Variants in TSGA10 observed in about 807,000 individuals in gnomAD.
The protein encoded by TSGA10 is testis-specific gene 10 protein.
In TSGA10, 43 loss-of-function variants were observed where a neutral mutation model predicts 96.6. The ratio of observed to expected loss-of-function variants is 0.44; its 90% CI spans 0.35 to 0.57. The LOEUF is 0.57. Ranked by LOEUF, TSGA10 falls within the 20% of genes least tolerant of loss-of-function variation. The pLI is 0.01. For missense variants in TSGA10, 703 were observed against 834.4 expected (o/e 0.84, Z 1.94); for synonymous variants, 229 against 269.9 (o/e 0.85, Z 1.48).
At chr2:99,126,008 G>A (rs2092804137) in intron 2 of TSGA10, 2 of 152,334 alleles carry the variant, frequency 1.3e-5, no homozygotes, top group Admixed American at 1.3e-4. Flanking sequence ...TGTCTCTGCT[G>A]ACATCACGGG....
intron 1 of TSGA10, among the ~76,000 whole-genome samples, chr2:99,153,336 A>C (rs761294786): frequency 1.3e-5 from 2 of 152,248 alleles, no homozygotes; most frequent in Non-Finnish European, 1.5e-5. Context: ...GATGTATAGC[A>C]GTTTTTCCAA....
chr2:99,005,058 T>A (rs1219456238), intron 20 of TSGA10, among the ~76,000 whole-genome samples: 1 of 152,166 alleles, frequency 6.6e-6, no homozygotes, highest in Admixed American at 6.5e-5. Flanking sequence ...ATTATCTCAA[T>A]AGAGGCAGAA....
At chr2:99,014,505 A>C (rs2079315765) in intron 20 of TSGA10, among the ~76,000 whole-genome samples, 1 of 152,198 alleles carries the variant, frequency 6.6e-6, no homozygotes, top group Non-Finnish European at 1.5e-5. Flanking sequence ...ACTAAGAGAA[A>C]AGTTCATAGC....
chr2:99,076,195 G>A (rs566160454), intron 12 of TSGA10, among the ~76,000 whole-genome samples: 3 of 152,032 alleles, frequency 2.0e-5, no homozygotes, highest in East Asian at 3.9e-4. Flanking sequence ...TTCATACATA[G>A]GAACTATCCA....
At chr2:99,099,920 T>A (rs1187943592) in intron 10 of TSGA10, among the ~76,000 whole-genome samples, 1 of 152,160 alleles carries the variant, frequency 6.6e-6, no homozygotes, top group East Asian at 1.9e-4. Context: ...CAGCCACAAT[T>A]TTTAAAAACA....
At chr2:99,002,570 A>G (rs60102644) in intron 20 of TSGA10, among the ~76,000 whole-genome samples, 2 of 152,170 alleles carry the variant, frequency 1.3e-5, no homozygotes, top group African/African-American at 4.8e-5. Context: ...AGAAGAAACT[A>G]CATCAACTAA....
intron 6 of TSGA10, 76 bp from the exon 7 acceptor site, chr2:99,109,067 C>A: frequency 9.3e-7 from 1 of 1,076,736 alleles, no homozygotes; most frequent in Non-Finnish European, 1.3e-6. Flanking sequence ...TGGTAGTGCC[C>A]AATTTCTATT....
At chr2:98,999,939 G>A (rs1029404458) in intron 20 of TSGA10, among the ~76,000 whole-genome samples, 7 of 152,160 alleles carry the variant, frequency 4.6e-5, no homozygotes, top group African/African-American at 1.7e-4. Context: ...TGTATTTTTT[G>A]TAGAGATGGG....
Position 99,154,873 on chromosome 2 carries a change from CGCAGGCG to C in TSGA10, c.-808_-802del, listed in dbSNP as rs2093732977. ...GCGGGCTGCCGGGACCCCACGGCTC[CGCAGGCG>C]GAGAGACTAGGCGCGATCCCTGCGC... is the stretch of plus-strand genomic sequence containing the variant. On this transcript the variant is annotated 5_prime_UTR_variant, in exon 1 of 21. Transcript: ENST00000393483. The C allele has an allele frequency of 2.8e-6, 1 of 357,682 alleles. No homozygotes were observed. Among genetic ancestry groups the C allele is most frequent in the Non-Finnish European group, 5.6e-6 (1 of 179,414 alleles). 22.2% of individuals were successfully genotyped at this position (357,682 alleles called of 1,614,324 possible).
intron 1 of TSGA10, among the ~76,000 whole-genome samples, chr2:99,149,184 A>AG (rs1419136071): frequency 1.3e-5 from 2 of 150,676 alleles, no homozygotes; most frequent in African/African-American, 4.9e-5. Context: ...AAAAAAAAAA[A>AG]ATGGGTGAGG....
chr2:99,043,382 C>A (rs1115756), intron 16 of TSGA10, among the ~76,000 whole-genome samples: 65,955 of 151,730 alleles, frequency 0.43, 16,980 homozygotes, highest in African/African-American at 0.72. Context: ...AACAAACCTC[C>A]GAAAAATATA....
At chr2:99,142,358 G>GT (rs1280438823) in intron 1 of TSGA10, 1 of 152,196 alleles carries the variant, frequency 6.6e-6, no homozygotes, top group Non-Finnish European at 1.5e-5. Flanking sequence ...TATTTCAAGA[G>GT]TAAGCTCTCG....
At chr2:99,150,183 C>T (rs776235131) in intron 1 of TSGA10, among the ~76,000 whole-genome samples, 14 of 152,086 alleles carry the variant, frequency 9.2e-5, no homozygotes, top group Non-Finnish European at 2.1e-4. Context: ...TTCTTTAGCC[C>T]ATTAGTAATG....
At chr2:99,036,895 T>C (rs2081675936) in intron 16 of TSGA10, among the ~76,000 whole-genome samples, 1 of 152,068 alleles carries the variant, frequency 6.6e-6, no homozygotes, top group South Asian at 2.1e-4. Flanking sequence ...ACATAATGAT[T>C]GTAAAAAGTT....
chr2:99,050,369 T>C (rs955600603), intron 16 of TSGA10, among the ~76,000 whole-genome samples: 1 of 152,142 alleles, frequency 6.6e-6, no homozygotes, highest in Non-Finnish European at 1.5e-5. Flanking sequence ...TTAAAACATT[T>C]CAGATTTCAG....
At chr2:99,022,248 C>T (rs188895430) in intron 17 of TSGA10, among the ~76,000 whole-genome samples, 1 of 148,410 alleles carries the variant, frequency 6.7e-6, no homozygotes, top group Non-Finnish European at 1.5e-5. Context: ...ATTGCTTGAG[C>T]CCAGAAGTTG....
intron 10 of TSGA10, among the ~76,000 whole-genome samples, chr2:99,086,939 T>A (rs1457492136): frequency 1.3e-5 from 2 of 151,518 alleles, no homozygotes; most frequent in Non-Finnish European, 2.9e-5. Flanking sequence ...GCGCAGTGTC[T>A]CATGCCTGTA....
chr2:99,103,927 T>G (rs1338204761), intron 10 of TSGA10, 40 bp downstream of exon 10: 1 of 1,602,506 alleles, frequency 6.2e-7, no homozygotes, highest in Non-Finnish European at 8.5e-7. Flanking sequence ...GAGCTATAGT[T>G]ATAGTAAACT....
At chr2:99,048,568 A>G (rs2083041952) in intron 16 of TSGA10, among the ~76,000 whole-genome samples, 1 of 152,222 alleles carries the variant, frequency 6.6e-6, no homozygotes, top group Admixed American at 6.5e-5. Context: ...TACACCTTAT[A>G]CAAAAATTAA....
Sources: allele counts gnomAD v4.1 joint callset (sites outside exome capture counted in the v4.1 genomes callset), GRCh38; gene constraint gnomAD v4.1.1; transcripts MANE v1.5; gene names NCBI Gene and HGNC (gene_info 2026-07-23, HGNC 2026-07-21).